The following DLGAP2 variants were observed in gnomAD, a reference collection of about 807,000 sequenced individuals.
DLGAP2 encodes disks large-associated protein 2.
DLGAP2 carries 26 observed loss-of-function variants against 100.3 expected under a neutral mutation model. The observed-to-expected ratio is 0.26, with a 90% CI of 0.19 to 0.36. DLGAP2 has a LOEUF of 0.36. Ranked by LOEUF, DLGAP2 falls within the 10% of genes least tolerant of loss-of-function variation. The probability of loss-of-function intolerance (pLI) is 1.00; values close to 1 mark genes in which losing one functional copy is unlikely to be tolerated. For synonymous variants in DLGAP2, 886 were observed against 630.1 expected, an observed-to-expected ratio of 1.41 and a Z score of -6.08; for missense variants, 1,858 against 1,453.2, an observed-to-expected ratio of 1.28 and a Z score of -4.53.
At chr8:841,411 T>C (rs553606512) in intron 1 of DLGAP2, among the ~76,000 whole-genome samples, 2 of 152,316 alleles carry the variant, frequency 1.3e-5, no homozygotes, top group African/African-American at 4.8e-5. Flanking sequence ...TAGATGTTCA[T>C]GTTGCCCATA....
chr8:973,769 G>T (rs1348488049), intron 2 of DLGAP2, among the ~76,000 whole-genome samples: 1 of 151,970 alleles, frequency 6.6e-6, no homozygotes, highest in African/African-American at 2.4e-5. Context: ...TATACGCGCG[G>T]CTGAGCGGAG....
At chr8:948,656 A>G (rs1799394871) in intron 2 of DLGAP2, among the ~76,000 whole-genome samples, 1 of 152,234 alleles carries the variant, frequency 6.6e-6, no homozygotes, top group South Asian at 2.1e-4. Flanking sequence ...CCGGGGTTGC[A>G]GTGTGGAAAT....
intron 2 of DLGAP2, among the ~76,000 whole-genome samples, chr8:1,113,108 T>C (rs1184699376): frequency 6.6e-6 from 1 of 152,232 alleles, no homozygotes; most frequent in Non-Finnish European, 1.5e-5. Context: ...ACTGTAGCCC[T>C]GTAGTATCAT....
chr8:1,540,412 G>T (rs1163622814), intron 4 of DLGAP2, among the ~76,000 whole-genome samples: 2 of 152,274 alleles, frequency 1.3e-5, no homozygotes, highest in East Asian at 3.9e-4. Context: ...TGTTTGAATG[G>T]CTGGGTTGAG....
intron 6 of DLGAP2, among the ~76,000 whole-genome samples, chr8:1,623,506 T>C (rs1406445949): frequency 6.9e-6 from 1 of 145,008 alleles, no homozygotes; most frequent in Non-Finnish European, 1.5e-5. Context: ...CACCAGTGCG[T>C]GATGACCTGA....
chr8:1,579,611 G>A (rs75086172), intron 6 of DLGAP2, among the ~76,000 whole-genome samples: 3,477 of 151,966 alleles, frequency 0.023, 118 homozygotes, highest in African/African-American at 0.072. Flanking sequence ...AATGAATGAC[G>A]CAGTGCAAAA....
intron 2 of DLGAP2, among the ~76,000 whole-genome samples, chr8:1,243,350 G>T (rs1798838591): frequency 6.6e-6 from 1 of 152,118 alleles, no homozygotes; most frequent in Non-Finnish European, 1.5e-5. Context: ...AAAGCTGCCG[G>T]TGCACATGCA....
At chr8:1,386,199 A>T (rs192217336) in intron 3 of DLGAP2, among the ~76,000 whole-genome samples, 1 of 152,366 alleles carries the variant, frequency 6.6e-6, no homozygotes, top group East Asian at 1.9e-4. Flanking sequence ...CTCTCAAAAG[A>T]GCATAGAGAA....
At chr8:1,213,349 T>A (rs1798145286) in intron 2 of DLGAP2, among the ~76,000 whole-genome samples, 1 of 152,194 alleles carries the variant, frequency 6.6e-6, no homozygotes. Flanking sequence ...TTAAATTTCA[T>A]CAAATGCCTT....
chr8:833,612 CT>C (rs896788114), intron 1 of DLGAP2, among the ~76,000 whole-genome samples: 8 of 152,222 alleles, frequency 5.3e-5, no homozygotes, highest in Non-Finnish European at 8.8e-5. Context: ...AGGATCACCC[CT>C]GTCTCATCTC....
intron 3 of DLGAP2, among the ~76,000 whole-genome samples, chr8:1,267,767 T>G (rs574139239): frequency 2.6e-5 from 4 of 151,998 alleles, no homozygotes; most frequent in African/African-American, 9.7e-5. Flanking sequence ...CTTTTTCTCC[T>G]CTGCAGATGT....
intron 2 of DLGAP2, among the ~76,000 whole-genome samples, chr8:982,833 G>A (rs11997215): frequency 0.02 from 2,948 of 144,302 alleles, 102 homozygotes; most frequent in African/African-American, 0.07. Context: ...TTTAGTATTT[G>A]TGTTCATTTT....
At chr8:1,222,217 C>T (rs1798329272) in intron 2 of DLGAP2, among the ~76,000 whole-genome samples, 1 of 152,202 alleles carries the variant, frequency 6.6e-6, no homozygotes, top group Non-Finnish European at 1.5e-5. Flanking sequence ...GCTGATGTTA[C>T]TTTAATCTTT....
rs142619633 is a variant in DLGAP2 at position 1,188,976 on chromosome 8, G to A, written c.74-69875G>A. On this transcript the variant is annotated intron_variant, in intron 2 of 14. Transcript: ENST00000637795. ...TTGGGGTTGACCGTACACAGGGTTC[G>A]GGCCCCAGGCCGGTTCCGCGGTTGG... Among the ~76,000 whole-genome samples the A allele has an allele frequency of 7.4e-3, 924 of 125,070 alleles. 22 individuals carry two copies. The highest frequency in any genetic ancestry group is 0.044 in the African/African-American group (797 of 18,270). 82.1% of individuals were successfully genotyped at this position (125,070 alleles called of 152,430 possible).
At chr8:1,244,328 T>G (rs1798861293) in intron 2 of DLGAP2, among the ~76,000 whole-genome samples, 1 of 152,248 alleles carries the variant, frequency 6.6e-6, no homozygotes. Context: ...AGACCATTTT[T>G]TCTCAAAAGC....
intron 4 of DLGAP2, among the ~76,000 whole-genome samples, chr8:1,517,785 TGGATTAG>T (rs1800444546): frequency 6.6e-6 from 1 of 152,196 alleles, no homozygotes; most frequent in Non-Finnish European, 1.5e-5. Context: ...AGCTGCTTGT[TGGATTAG>T]GGATCACAAA....
intron 2 of DLGAP2, among the ~76,000 whole-genome samples, chr8:1,240,425 C>A (rs1302762760): frequency 6.8e-6 from 1 of 146,298 alleles, no homozygotes; most frequent in African/African-American, 2.6e-5. Flanking sequence ...CACATGGCAC[C>A]GTGTCTAGTT....
At chr8:1,152,499 A>G (rs1796713753) in intron 2 of DLGAP2, among the ~76,000 whole-genome samples, 1 of 152,224 alleles carries the variant, frequency 6.6e-6, no homozygotes, top group Admixed American at 6.5e-5. Context: ...GTGAAATAGG[A>G]AAATGTATGT....
intron 2 of DLGAP2, among the ~76,000 whole-genome samples, chr8:930,806 G>A (rs979859066): frequency 2.6e-5 from 4 of 152,214 alleles, no homozygotes; most frequent in Non-Finnish European, 4.4e-5. Context: ...CCTGTGAACA[G>A]TGAAAACCAG....
Sources: allele counts gnomAD v4.1 joint callset (sites outside exome capture counted in the v4.1 genomes callset), GRCh38; gene constraint gnomAD v4.1.1; transcripts MANE v1.5; gene names NCBI Gene and HGNC (gene_info 2026-07-23, HGNC 2026-07-21).